ZNF829: variants seen among roughly 807,000 people sequenced by gnomAD.
The protein encoded by ZNF829 is zinc finger protein 829.
A neutral mutation model predicts 35.2 loss-of-function variants in ZNF829; 25 were observed. The ratio of observed to expected loss-of-function variants is 0.71; its 90% CI spans 0.52 to 0.99. ZNF829 has a LOEUF of 0.99. Ranked by LOEUF, ZNF829 falls within the 50% of genes least tolerant of loss-of-function variation. The probability of loss-of-function intolerance (pLI) is 0.00; values close to 1 mark genes in which losing one functional copy is unlikely to be tolerated. For synonymous variants in ZNF829, 136 were observed against 163.2 expected, an observed-to-expected ratio of 0.83 and a Z score of 1.27; for missense variants, 417 against 515.3, an observed-to-expected ratio of 0.81 and a Z score of 1.85.
chr19:36,891,355 TTGGTACTTTG>T lies in ZNF829; in HGVS notation c.*127_*136del, dbSNP rs1357547729. 2.7e-5 allele frequency: 23 copies of T among 864,576 alleles called. No individual in the cohort carries two copies. The highest frequency in any genetic ancestry group is 2.0e-4 in the South Asian group (7 of 35,672). 53.6% of individuals were successfully genotyped at this position (864,576 alleles called of 1,614,324 possible). ...TTTTAAGCCACCAAGGTTTTGGTAC[TTGGTACTTTG>T]TTATCGTATCGTTTAAAAACGAATA... On this transcript the variant is annotated 3_prime_UTR_variant, in exon 6 of 6. Coordinates refer to ENST00000391711, the MANE Select transcript of ZNF829 (RefSeq NM_001037232.4).
chr19:36,914,926 C>G, intron 3 of ZNF829, 39 bp downstream of exon 3: 1 of 1,606,912 alleles, frequency 6.2e-7, no homozygotes, highest in Non-Finnish European at 8.5e-7. Flanking sequence ...TTCCTTTAAG[C>G]AAGAATTTTC....
chr19:36,907,939 G>A lies in ZNF829; in HGVS notation c.309C>T (p.Gly103=), dbSNP rs1317577323. ...TCATCTCTTACTTACCTGAACACAG[G>A]CCTCTAGTCAGCTCTCTATCAACCA... is the stretch of plus-strand genomic sequence containing the variant. ...PWMVDRELTR[G]LCSDLESMCE... Residue 103 remains glycine, a synonymous_variant, in exon 5 of 6, where the codon GGC becomes GGT. Coordinates refer to ENST00000391711, the MANE Select transcript of ZNF829 (RefSeq NM_001037232.4). 1 of 1,613,592 alleles carries A rather than the reference G, an allele frequency of 6.2e-7. No homozygotes were observed. Among genetic ancestry groups the A allele is most frequent in the African/African-American group, 1.3e-5 (1 of 74,880 alleles).
At chr19:36,894,329 T>C (rs945882599) in intron 5 of ZNF829, among the ~76,000 whole-genome samples, 7 of 151,856 alleles carry the variant, frequency 4.6e-5, no homozygotes, top group Non-Finnish European at 7.4e-5. Context: ...ATCCATAAAA[T>C]TGGAAAAAAT....
At chr19:36,896,532 G>T (rs1436079732) in intron 5 of ZNF829, among the ~76,000 whole-genome samples, 2 of 151,936 alleles carry the variant, frequency 1.3e-5, no homozygotes, top group African/African-American at 2.4e-5. Context: ...AATAGTACGG[G>T]ATTTGAACAT....
chr19:36,899,033 C>T (rs2073137696), intron 5 of ZNF829, among the ~76,000 whole-genome samples: 2 of 152,292 alleles, frequency 1.3e-5, no homozygotes, highest in Admixed American at 1.3e-4. Flanking sequence ...TAAAATGCTT[C>T]TGCACAGCAA....
chr19:36,915,401 C>A (rs2073308561), intron 1 of ZNF829, 150 bp from the exon 2 acceptor site: 2 of 899,258 alleles, frequency 2.2e-6, no homozygotes, highest in Non-Finnish European at 3.3e-6. Flanking sequence ...AACACAGTTA[C>A]AATCACATAC....
chr19:36,891,591 T>G lies in ZNF829; in HGVS notation c.1200A>C (p.Arg400Ser), dbSNP rs1250665759. The change falls in exon 6 of 6, where the codon AGA becomes AGC. Residue 400 changes from arginine to serine, a missense_variant. Physicochemically the swap from Arg to Ser is moderately radical, Grantham distance 110. Transcript: ENST00000391711. The part of the protein sequence containing the change: ...NKGSNLTRHQ[R>S]IHTGEKPYDC... The stretch of plus-strand genomic sequence containing the variant: ...CATAGGGTTTCTCACCAGTGTGAAT[T>G]CTCTGATGTCGAGTAAGATTTGAGC... 6.2e-7 allele frequency: 1 copy of G among 1,612,356 alleles called. No individual in the cohort carries two copies. Among genetic ancestry groups the G allele is most frequent in the African/African-American group, 1.3e-5 (1 of 74,714 alleles).
intron 5 of ZNF829, among the ~76,000 whole-genome samples, chr19:36,900,148 ACACACACACACACACACACAC>A (rs2073151790): frequency 2.2e-3 from 36 of 16,668 alleles, no homozygotes; most frequent in African/African-American, 3.3e-3. Context: ...TCTACTAAAC[ACACACACACACACACACACAC>A]ACACACACAC....
intron 5 of ZNF829, chr19:36,907,152 TATAAC>T (rs1299280374): frequency 7.5e-6 from 1 of 133,078 alleles, no homozygotes; most frequent in African/African-American, 2.9e-5. Flanking sequence ...TAGAATGAAA[TATAAC>T]ATAGCCAATA....
At chr19:36,899,422 C>G (rs2073142490) in intron 5 of ZNF829, among the ~76,000 whole-genome samples, 4 of 151,862 alleles carry the variant, frequency 2.6e-5, no homozygotes, top group African/African-American at 9.7e-5. Context: ...TCCAGTCTGG[C>G]TGACAGTGAA....
At chr19:36,907,779 T>C in intron 5 of ZNF829, 150 bp downstream of exon 5, 1 of 596,364 alleles carries the variant, frequency 1.7e-6, no homozygotes, top group South Asian at 2.1e-5. Flanking sequence ...GTACTTGCTA[T>C]ATTGGACTAG....
chr19:36,891,738 G>T lies in ZNF829; in HGVS notation c.1053C>A (p.Leu351=), dbSNP rs1218083213. 3.1e-6 allele frequency: 5 copies of T among 1,613,980 alleles called. No homozygotes were observed. Among genetic ancestry groups the T allele is most frequent in the Non-Finnish European group, 4.2e-6 (5 of 1,180,024 alleles). ...NHHRIHAGEK[L]YECEECRKAF... is the part of the protein sequence containing the mutation. The stretch of plus-strand genomic sequence containing the variant: ...CCTTTCTACATTCTTCACATTCATA[G>T]AGCTTCTCACCAGCATGAATTCTGT... The change falls in exon 6 of 6, where the codon CTC becomes CTA. Residue 351 remains leucine (L), a synonymous_variant. Transcript: ENST00000391711.
rs199766242 is a variant in ZNF829 at position 36,891,806 on chromosome 19, A to C, written c.985T>G (p.Cys329Gly). Residue 329 changes from cysteine to glycine, a missense_variant, in exon 6 of 6, where the codon TGT (cysteine) becomes GGT (glycine). By Grantham distance (159) the Cys-to-Gly change is radical (BLOSUM62 -3). Transcript: ENST00000391711. ...GAGGCACTATTAAAGGCCTTCCCAC[A>C]CTGCTTACATTCATAAGGTTTCTCA... ...TGEKPYECKQ[C>G]GKAFNSASTL... The C allele has an allele frequency of 5.4e-4, 872 of 1,614,002 alleles. 1 individual carries two copies. Among genetic ancestry groups the C allele is most frequent in the Non-Finnish European group, 6.1e-4 (723 of 1,180,030 alleles).
intron 3 of ZNF829, among the ~76,000 whole-genome samples, chr19:36,911,274 C>T (rs1423037714): frequency 6.6e-6 from 1 of 151,294 alleles, no homozygotes; most frequent in Non-Finnish European, 1.5e-5. Context: ...TGCAGTGGTG[C>T]GATCTCAGCT....
At chr19:36,911,676 G>T (rs180991599) in intron 3 of ZNF829, among the ~76,000 whole-genome samples, 102 of 152,168 alleles carry the variant, frequency 6.7e-4, no homozygotes, top group African/African-American at 2.3e-3. Context: ...CAAGCAAGGG[G>T]GCCCCTTTAG....
chr19:36,892,190 G>A lies in ZNF829; in HGVS notation c.601C>T (p.Arg201Ter), dbSNP rs778613616. 15 of 1,614,082 alleles carry A rather than the reference G, an allele frequency of 9.3e-6. No individual in the cohort carries two copies. The highest frequency in any genetic ancestry group is 4.5e-5 in the East Asian group (2 of 44,854). Reference protein sequence around the residue: ...KSFSRGSLVTRHQRIHTGKKP... With the variant: ...KSFSRGSLVT ...TTACCAGTGTGAATCCTCTGATGTCGAGTAACGAGTGAGCCACGACTAAAG... is the reference window on the plus strand; with the variant it reads ...TTACCAGTGTGAATCCTCTGATGTCAAGTAACGAGTGAGCCACGACTAAAG... The change falls in exon 6 of 6, where the codon CGA becomes TGA. Residue 201 changes from arginine to a stop codon, truncating the protein, a stop_gained. Transcript: ENST00000391711. LOFTEE classifies it high-confidence loss of function.
Position 36,891,939 on chromosome 19 carries a change from A to G in ZNF829, c.852T>C (p.Phe284=). ...CACCAGTATGAATTCTCAGATGTAG[A>G]AAAAGTTGTGAACTTTTAGTAAAGG... ...GKAFTKSSQL[F]LHLRIHTGEK... is the part of the protein sequence containing the mutation. The change falls in exon 6 of 6, where the codon TTT becomes TTC. Residue 284 remains phenylalanine, a synonymous_variant. Coordinates refer to ENST00000391711, the MANE Select transcript of ZNF829 (RefSeq NM_001037232.4). The G allele has an allele frequency of 6.2e-7, 1 of 1,614,036 alleles. No individual in the cohort carries two copies. Among genetic ancestry groups the G allele is most frequent in the South Asian group, 1.1e-5 (1 of 91,070 alleles).
intron 5 of ZNF829, among the ~76,000 whole-genome samples, chr19:36,897,907 G>A (rs1293157240): frequency 2.0e-5 from 3 of 152,196 alleles, no homozygotes; most frequent in African/African-American, 4.8e-5. Context: ...GGTGGCTCAC[G>A]CCTATAATCC....
chr19:36,888,640 TTGGCTTTTAA>T lies in ZNF829; in HGVS notation c.*2842_*2851del, dbSNP rs2073020737. Reference sequence around the variant, plus strand: ...CACATATAGTGTAGTGGGGAAAGTGTTGGCTTTTAATGGACTCATTACCTAAATAATGTAC... The same window carrying T: ...CACATATAGTGTAGTGGGGAAAGTGTTGGACTCATTACCTAAATAATGTAC... On this transcript the variant is annotated 3_prime_UTR_variant, in exon 6 of 6. Transcript: ENST00000391711. 1 of 152,204 alleles carries T rather than the reference TTGGCTTTTAA, an allele frequency of 6.6e-6. No individual in the cohort carries two copies. The highest frequency in any genetic ancestry group is 2.1e-4 in the South Asian group (1 of 4,832). 9.4% of individuals were successfully genotyped at this position (152,204 alleles called of 1,614,324 possible). A position where few individuals can be genotyped will look rare whatever the true frequency, so the allele number is the denominator to read the frequency against.
Sources: gnomAD v4.1 joint callset for allele counts (sites outside exome capture counted in the v4.1 genomes callset) on GRCh38, gnomAD v4.1.1 for gene constraint, MANE v1.5 for transcripts, NCBI Gene and HGNC (gene_info 2026-07-23, HGNC 2026-07-21) for gene names.